The following ICAM5 variants were observed in gnomAD, a reference collection of about 807,000 sequenced individuals.
ICAM5 encodes intercellular adhesion molecule 5.
A neutral mutation model predicts 78.8 loss-of-function variants in ICAM5; 38 were observed. The ratio of observed to expected loss-of-function variants is 0.48; its 90% CI spans 0.37 to 0.63. The LOEUF (loss-of-function observed/expected upper bound fraction) is 0.63. ICAM5 is among the 30% of genes least tolerant of loss of function. The pLI is 0.00. For synonymous variants in ICAM5, 544 were observed against 590.9 expected (o/e 0.92, Z 1.15); for missense variants, 1,059 against 1,303.0 (o/e 0.81, Z 2.88).
Position 10,293,748 on chromosome 19 carries a change from G to A in ICAM5, c.1516G>A (p.Glu506Lys). ...VGCPERITWL[E>K]GTEASLSCVA... is the part of the protein sequence containing the mutation. Reference sequence around the variant, plus strand: ...CTGCCCAGAACGCATTACTTGGCTGGAGGGAACAGAAGCCTCGCTGAGCTG... The same window carrying A: ...CTGCCCAGAACGCATTACTTGGCTGAAGGGAACAGAAGCCTCGCTGAGCTG... The change falls in exon 7 of 11, where the codon GAG (glutamate) becomes AAG (lysine). Residue 506 changes from glutamate (E) to lysine (K), a missense_variant. Around this residue, in one of 3 missense-constraint regions of ICAM5, gnomAD observed 815 missense variants for 952.8 expected, o/e 0.86. Transcript: ENST00000221980. The surrounding 1 kb of genome is among the most constrained non-coding windows in gnomAD (Gnocchi z 5.0). 5 of 1,614,004 alleles carry A rather than the reference G, an allele frequency of 3.1e-6. No homozygotes were observed. The highest frequency in any genetic ancestry group is 3.4e-6 in the Non-Finnish European group (4 of 1,180,032).
intron 10 of ICAM5, 40 bp from the exon 11 acceptor site, chr19:10,296,299 C>A (rs536778200): frequency 2.4e-6 from 3 of 1,227,604 alleles, no homozygotes; most frequent in East Asian, 6.5e-5. Flanking sequence ...AGAAGCCCCC[C>A]GGAGCTTGGC....
At position 10,293,589 on chromosome 19, in the gene ICAM5, G is replaced by GGGTT; in HGVS notation, c.1466-108_1466-105dup. 6.9e-7 allele frequency: 1 copy of GGGTT among 1,444,622 alleles called. No individual in the cohort carries two copies. The allele number at this position is 1,444,622 out of a possible 1,614,324, so 89.5% of individuals were successfully genotyped here. Reference sequence around the variant, plus strand: ...GACACCTCCTTGGATCGGCGTCCAAGGGTTATGCAGGGACAACACTTCGTG... The same window carrying GGGTT: ...GACACCTCCTTGGATCGGCGTCCAAGGGTTGGTTATGCAGGGACAACACTTCGTG... On this transcript the variant is annotated intron_variant, in intron 6 of 10. Coordinates refer to ENST00000221980, the MANE Select transcript of ICAM5 (RefSeq NM_003259.4). This position sits in a 1 kb window ranked among gnomAD's most constrained non-coding sequence, Gnocchi z 5.0.
In ICAM5 at chr19:10,296,728, G is replaced by T. The variant is rs2040223941; in HGVS notation, c.*112G>T. The T allele has an allele frequency of 1.0e-6, 1 of 960,460 alleles. No homozygotes were observed. Among genetic ancestry groups the T allele is most frequent in the Non-Finnish European group, 1.3e-6 (1 of 763,294 alleles). 59.5% of individuals were successfully genotyped at this position (960,460 alleles called of 1,614,324 possible). On this transcript the variant is annotated 3_prime_UTR_variant, in exon 11 of 11. Coordinates refer to ENST00000221980, the MANE Select transcript of ICAM5 (RefSeq NM_003259.4). ...TTTATTTATGTATTCAACTCCAAGG[G>T]CGTCACCCCCATTTTCTACCCATCC...
rs573051864 is a variant in ICAM5 at position 10,290,194 on chromosome 19, C to T, written c.82+69C>T. 4 of 1,180,136 alleles carry T rather than the reference C, an allele frequency of 3.4e-6. No individual in the cohort carries two copies. In the Admixed American group the frequency reaches 1.2e-4, roughly 34 times the overall value. The allele number at this position is 1,180,136 out of a possible 1,614,324, so 73.1% of individuals were successfully genotyped here. A position where few individuals can be genotyped will look rare whatever the true frequency, so the allele number is the denominator to read the frequency against. On this transcript the variant is annotated intron_variant, in intron 1 of 10. Transcript: ENST00000221980. This position sits in a 1 kb window ranked among gnomAD's most constrained non-coding sequence, Gnocchi z 5.7. The stretch of plus-strand genomic sequence containing the variant: ...AGTCCCTGGACCTGAGAAACGGCCT[C>T]CTGTCCCTCCCAGCTCTGCCCTCGC...
rs573759852 is a variant in ICAM5, at chr19:10,291,853, C to G, written c.673+44C>G. 12 of 1,581,470 alleles carry G rather than the reference C, an allele frequency of 7.6e-6. No homozygotes were observed. In the Admixed American group the frequency reaches 2.0e-4, roughly 27 times the overall value. On this transcript the variant is annotated intron_variant, in intron 3 of 10. Coordinates refer to ENST00000221980, the MANE Select transcript of ICAM5 (RefSeq NM_003259.4). ...GAGATGGGGACCCAGTGGGGTCGGT[C>G]GGTGTTTAGGAGGTTTAGAGGTAGA...
Position 10,294,143 on chromosome 19 carries a change from C to G in ICAM5, c.1815C>G (p.Ser605Arg), listed in dbSNP as rs778053270. ...AGGTCGATGGGAAGCCACAGCCAAG[C>G]GTGAAGTGCGTGGGCTCCGGGGGCG... is the stretch of plus-strand genomic sequence containing the variant. ...SCEVDGKPQP[S>R]VKCVGSGGAT... The change falls in exon 8 of 11, where the codon AGC (serine) becomes AGG (arginine). Residue 605 changes from serine (S) to arginine (R), a missense_variant. Physicochemically the swap from Ser to Arg is moderately radical, Grantham distance 110. Coordinates refer to ENST00000221980, the MANE Select transcript of ICAM5 (RefSeq NM_003259.4). This position sits in a 1 kb window ranked among gnomAD's most constrained non-coding sequence, Gnocchi z 7.7. The G allele has an allele frequency of 1.9e-6, 3 of 1,610,054 alleles. No individual in the cohort carries two copies. The highest frequency in any genetic ancestry group is 1.7e-6 in the Non-Finnish European group (2 of 1,178,890).
In ICAM5 at chr19:10,296,607, A is replaced by G. The variant is rs2040222857; in HGVS notation, c.2766A>G (p.Thr922=). 1.6e-6 allele frequency: 2 copies of G among 1,212,198 alleles called. No individual in the cohort carries two copies. The highest frequency in any genetic ancestry group is 1.0e-6 in the Non-Finnish European group (1 of 970,512). 75.1% of individuals were successfully genotyped at this position (1,212,198 alleles called of 1,614,324 possible). A position where few individuals can be genotyped will look rare whatever the true frequency, so the allele number is the denominator to read the frequency against. Residue 922 remains threonine, a synonymous_variant, in exon 11 of 11, where the codon ACA becomes ACG. Transcript: ENST00000221980. ...GCGAGGTCTTCGCCATACAGCTGAC[A>G]TCGGCGTGAGCCCGCTCCCCTCTCC... The part of the protein sequence containing the change: ...AEGEVFAIQL[T]SA
chr19:10,290,722 TCATCCCC>T lies in ICAM5; in HGVS notation c.83-336_83-330del, dbSNP rs960381663. ...TTCTGCCAGGACCCTGAGAACTGGT[TCATCCCC>T]CATCCCCCATCCCGGGTCCCCTTCT... On this transcript the variant is annotated intron_variant, in intron 1 of 10. Coordinates refer to ENST00000221980, the MANE Select transcript of ICAM5 (RefSeq NM_003259.4). This position sits in a 1 kb window ranked among gnomAD's most constrained non-coding sequence, Gnocchi z 5.7. 23 of 384,454 alleles carry T rather than the reference TCATCCCC, an allele frequency of 6.0e-5. No homozygotes were observed. The highest frequency in any genetic ancestry group is 8.5e-5 in the Non-Finnish European group (18 of 212,036). 23.8% of individuals were successfully genotyped at this position (384,454 alleles called of 1,614,324 possible).
chr19:10,292,486 C>G (rs976936093), intron 4 of ICAM5, 126 bp from the exon 5 acceptor site: 1 of 1,406,046 alleles, frequency 7.1e-7, no homozygotes, highest in Non-Finnish European at 9.6e-7. Context: ...CCTGTACAGC[C>G]TGAGAGGCGG....
Position 10,290,180 on chromosome 19 carries a change from C to T in ICAM5, c.82+55C>T. 7.6e-7 allele frequency: 1 copy of T among 1,321,262 alleles called. No homozygotes were observed. The highest frequency in any genetic ancestry group is 1.0e-6 in the Non-Finnish European group (1 of 985,978). 81.8% of individuals were successfully genotyped at this position (1,321,262 alleles called of 1,614,324 possible). A position where few individuals can be genotyped will look rare whatever the true frequency, so the allele number is the denominator to read the frequency against. Reference sequence around the variant, plus strand: ...CAGGGCGGGGGCGGAGTCCCTGGACCTGAGAAACGGCCTCCTGTCCCTCCC... The same window carrying T: ...CAGGGCGGGGGCGGAGTCCCTGGACTTGAGAAACGGCCTCCTGTCCCTCCC... On this transcript the variant is annotated intron_variant, in intron 1 of 10. Coordinates refer to ENST00000221980, the MANE Select transcript of ICAM5 (RefSeq NM_003259.4). This position sits in a 1 kb window ranked among gnomAD's most constrained non-coding sequence, Gnocchi z 5.7.
rs776400501 is a variant in ICAM5, at chr19:10,291,765, G to C, written c.629G>C (p.Gly210Ala). 1.2e-6 allele frequency: 2 copies of C among 1,612,562 alleles called. No homozygotes were observed. Among genetic ancestry groups the C allele is most frequent in the Non-Finnish European group, 1.7e-6 (2 of 1,179,928 alleles). ...CTGGACCTGCGGCCGCACGGACTGG[G>C]ACTGTTTGAAAACAGCTCGGCCCCC... ...AELDLRPHGL[G>A]LFENSSAPRE... is the part of the protein sequence containing the mutation. The change falls in exon 3 of 11, where the codon GGA becomes GCA. Residue 210 changes from glycine (G) to alanine (A), a missense_variant. By Grantham distance (60) the Gly-to-Ala change is moderately conservative. Coordinates refer to ENST00000221980, the MANE Select transcript of ICAM5 (RefSeq NM_003259.4).
chr19:10,296,394 C>A lies in ICAM5; in HGVS notation c.2553C>A (p.Ala851=). ...CGGCGGGGGGCGCGGCGCTGCTGGC[C>A]GCGGGGGCCGGCCTGGCCTTCTACG... ...GGAAGGAALL[A]AGAGLAFYVQ... Residue 851 remains alanine (A), a synonymous_variant, in exon 11 of 11, where the codon GCC becomes GCA. Transcript: ENST00000221980. 7.9e-7 allele frequency: 1 copy of A among 1,267,714 alleles called. No homozygotes were observed. The allele number at this position is 1,267,714 out of a possible 1,614,324, so 78.5% of individuals were successfully genotyped here.
chr19:10,296,465 C>T lies in ICAM5; in HGVS notation c.2624C>T (p.Ala875Val), dbSNP rs534322155. ...CKKGEYNVQE[A>V]ESSGEAVCLN... ...AAGGGCGAGTACAACGTGCAGGAGG[C>T]CGAGAGCTCAGGCGAGGCCGTGTGT... Residue 875 changes from alanine to valine, a missense_variant, in exon 11 of 11, where the codon GCC (alanine) becomes GTC (valine). Physicochemically the swap from Ala to Val is moderately conservative, Grantham distance 64. This residue lies in a region of ICAM5 where 109 missense variants were observed against 120.0 expected (regional missense o/e 0.91). Coordinates refer to ENST00000221980, the MANE Select transcript of ICAM5 (RefSeq NM_003259.4). 6 of 1,309,706 alleles carry T rather than the reference C, an allele frequency of 4.6e-6. No homozygotes were observed. In the East Asian group the frequency reaches 1.6e-4, roughly 35 times the overall value. 81.1% of individuals were successfully genotyped at this position (1,309,706 alleles called of 1,614,324 possible).
Position 10,293,936 on chromosome 19 carries a change from G to T in ICAM5, c.1704G>T (p.Thr568=). Residue 568 remains threonine, a synonymous_variant, in exon 7 of 11, where the codon ACG becomes ACT. Coordinates refer to ENST00000221980, the MANE Select transcript of ICAM5 (RefSeq NM_003259.4). The surrounding 1 kb of genome is among the most constrained non-coding windows in gnomAD (Gnocchi z 5.0). ...CTGCGGCCAAAAATGTGGCCGTCAC[G>T]GTGGAATGTGAGTAGGGGCACCGCG... ...RGSAAKNVAV[T]VEYGPRFEEP... The T allele has an allele frequency of 1.2e-6, 2 of 1,612,128 alleles. No individual in the cohort carries two copies. Among genetic ancestry groups the T allele is most frequent in the Non-Finnish European group, 8.5e-7 (1 of 1,179,674 alleles).
Position 10,296,210 on chromosome 19 carries a change from C to T in ICAM5, c.2498-129C>T, listed in dbSNP as rs921611827. Reference sequence around the variant, plus strand: ...TGGCCTTATTGCATGGGTTGTCTCCCTTCTCCCAAGGCCAGACAGTGAGCT... The same window carrying T: ...TGGCCTTATTGCATGGGTTGTCTCCTTTCTCCCAAGGCCAGACAGTGAGCT... On this transcript the variant is annotated intron_variant, in intron 10 of 10. Transcript: ENST00000221980. 6 of 956,106 alleles carry T rather than the reference C, an allele frequency of 6.3e-6. No homozygotes were observed. The African/African-American group carries it at 6.8e-5, about 11-fold the overall frequency. 59.2% of individuals were successfully genotyped at this position (956,106 alleles called of 1,614,324 possible).
rs1173495702 is a variant in ICAM5 at position 10,295,603 on chromosome 19, C to T, written c.2488C>T (p.Arg830Cys). The T allele has an allele frequency of 6.5e-7, 1 of 1,541,248 alleles. No individual in the cohort carries two copies. The highest frequency in any genetic ancestry group is 8.7e-7 in the Non-Finnish European group (1 of 1,145,220). ...HGRHARRITV[R>C]VAGPWLWVAV... ...GCGCCACGCGCGGCGCATCACGGTG[C>T]GCGTGGCCGGTAAGTGGCAGCTGGG... Residue 830 changes from arginine to cysteine, a missense_variant, in exon 10 of 11, where the codon CGC becomes TGC. Around this residue, in one of 3 missense-constraint regions of ICAM5, gnomAD observed 135 missense variants for 230.2 expected, o/e 0.59. Coordinates refer to ENST00000221980, the MANE Select transcript of ICAM5 (RefSeq NM_003259.4).
rs1245212065 is a variant in ICAM5 at position 10,294,634 on chromosome 19, G to A, written c.2224G>A (p.Val742Met). 1.2e-6 allele frequency: 2 copies of A among 1,612,632 alleles called. No homozygotes were observed. The highest frequency in any genetic ancestry group is 2.2e-5 in the East Asian group (1 of 44,876). The change falls in exon 9 of 11, where the codon GTG becomes ATG. Residue 742 changes from valine to methionine, a missense_variant. Transcript: ENST00000221980. This position sits in a 1 kb window ranked among gnomAD's most constrained non-coding sequence, Gnocchi z 7.7. ...GTDSRTVTVG[V>M]EYRPVVAELA... ...GGACTCCCGGACCGTCACTGTGGGC[G>A]TGGAATGTGAGTGGGGGCAGCACCG...
Position 10,293,574 on chromosome 19 carries a change from T to C in ICAM5, c.1466-124T>C. ...TGCCTCGACTAGCGTGACACCTCCTTGGATCGGCGTCCAAGGGTTATGCAG... is the reference window on the plus strand; with the variant it reads ...TGCCTCGACTAGCGTGACACCTCCTCGGATCGGCGTCCAAGGGTTATGCAG... On this transcript the variant is annotated intron_variant, in intron 6 of 10. Coordinates refer to ENST00000221980, the MANE Select transcript of ICAM5 (RefSeq NM_003259.4). The surrounding 1 kb of genome is among the most constrained non-coding windows in gnomAD (Gnocchi z 5.0). 1 of 1,351,450 alleles carries C rather than the reference T, an allele frequency of 7.4e-7. No individual in the cohort carries two copies. The highest frequency in any genetic ancestry group is 1.0e-6 in the Non-Finnish European group (1 of 992,276). 83.7% of individuals were successfully genotyped at this position (1,351,450 alleles called of 1,614,324 possible).
In ICAM5 at chr19:10,296,370, GGCGGGGGGCGCGGCGCTGCTGGCC is replaced by G; in HGVS notation, c.2537_2560del (p.Gly846_Gly853del). 8.0e-7 allele frequency: 1 copy of G among 1,254,374 alleles called. No homozygotes were observed. Among genetic ancestry groups the G allele is most frequent in the Non-Finnish European group, 1.0e-6 (1 of 991,956 alleles). 77.7% of individuals were successfully genotyped at this position (1,254,374 alleles called of 1,614,324 possible). On this transcript the variant is annotated inframe_deletion, in exon 11 of 11. Coordinates refer to ENST00000221980, the MANE Select transcript of ICAM5 (RefSeq NM_003259.4). ...GGCTATGGGTCGCCGTGGGCGGCGC[GGCGGGGGGCGCGGCGCTGCTGGCC>G]GCGGGGGCCGGCCTGGCCTTCTACG... is the stretch of plus-strand genomic sequence containing the variant.
Sources: gnomAD v4.1 joint callset for allele counts on GRCh38, gnomAD v4.1.1 for gene constraint, gnomAD v4.1.1 regional missense constraint, Gnocchi (gnomAD v3.1) non-coding constraint, MANE v1.5 for transcripts, NCBI Gene and HGNC (gene_info 2026-07-23, HGNC 2026-07-21) for gene names.